The following VPS13A variants were observed in gnomAD, a reference collection of about 807,000 sequenced individuals.
VPS13A encodes the protein vacuolar protein sorting 13 homolog A, also known as intermembrane lipid transfer protein VPS13A.
Under a neutral mutation model 390.9 loss-of-function variants are expected in VPS13A, and 264 were observed. The ratio of observed to expected loss-of-function variants is 0.68; its 90% confidence interval spans 0.61 to 0.75. VPS13A has a LOEUF of 0.75. Ranked by LOEUF, VPS13A falls within the 30% of genes least tolerant of loss-of-function variation. The pLI, the probability that VPS13A is intolerant of heterozygous loss-of-function variation, is 0.00. For synonymous variants in VPS13A, 1,231 were observed against 1,227.1 expected (o/e 1.00, Z -0.07); for missense variants, 3,409 against 3,733.9 (o/e 0.91, Z 2.27).
chr9:77,310,223 C>T (rs1828988943), intron 35 of VPS13A, among the ~76,000 whole-genome samples: 1 of 151,856 alleles, frequency 6.6e-6, no homozygotes, highest in Admixed American at 6.6e-5. Flanking sequence ...TTAAAAAAAC[C>T]TAGGCCTACT....
At chr9:77,300,536 A>C (rs913312540) in intron 33 of VPS13A, among the ~76,000 whole-genome samples, 1 of 152,240 alleles carries the variant, frequency 6.6e-6, no homozygotes, top group African/African-American at 2.4e-5. Context: ...GTCTGAGACC[A>C]GCCTGGGAAA....
intron 3 of VPS13A, among the ~76,000 whole-genome samples, chr9:77,203,724 T>C (rs1370449666): frequency 6.6e-6 from 1 of 152,262 alleles, no homozygotes; most frequent in African/African-American, 2.4e-5. Context: ...GTATGTATTT[T>C]AAGCAGTCTG....
chr9:77,334,300 C>T (rs190152034), intron 46 of VPS13A, among the ~76,000 whole-genome samples: 1 of 152,188 alleles, frequency 6.6e-6, no homozygotes, highest in Non-Finnish European at 1.5e-5. Context: ...ATTTTATCTC[C>T]ATCTATTAGT....
intron 61 of VPS13A, among the ~76,000 whole-genome samples, chr9:77,367,395 T>G (rs940258931): frequency 5.3e-5 from 8 of 152,158 alleles, no homozygotes; most frequent in African/African-American, 1.7e-4. Flanking sequence ...GAATAACCCT[T>G]TCAAGTAGCA....
At chr9:77,331,536 G>T (rs939552935) in intron 45 of VPS13A, among the ~76,000 whole-genome samples, 10 of 151,736 alleles carry the variant, frequency 6.6e-5, no homozygotes, top group Admixed American at 2.0e-4. Flanking sequence ...TTCTGTTCCT[G>T]TTTTCCTCTT....
At chr9:77,295,967 G>C (rs773262973) in intron 33 of VPS13A, 121 bp downstream of exon 33, 7 of 1,026,170 alleles carry the variant, frequency 6.8e-6, no homozygotes, top group Non-Finnish European at 9.8e-6. Flanking sequence ...ACATAACTTA[G>C]TGATTCTCTC....
At chr9:77,291,510 T>G (rs1259684867) in intron 31 of VPS13A, among the ~76,000 whole-genome samples, 1 of 152,142 alleles carries the variant, frequency 6.6e-6, no homozygotes, top group East Asian at 1.9e-4. Context: ...AATTCCAGAT[T>G]AATACGATTT....
chr9:77,311,601 A>G (rs1238553722), intron 35 of VPS13A, among the ~76,000 whole-genome samples: 1 of 148,222 alleles, frequency 6.7e-6, no homozygotes, highest in Non-Finnish European at 1.5e-5. Flanking sequence ...GACAGAACTA[A>G]AGAAGAAAAT....
At chr9:77,231,371 C>T (rs1823823027) in intron 17 of VPS13A, among the ~76,000 whole-genome samples, 1 of 152,068 alleles carries the variant, frequency 6.6e-6, no homozygotes, top group Non-Finnish European at 1.5e-5. Context: ...GTGTGGTCTG[C>T]ATCATTTTAC....
intron 34 of VPS13A, among the ~76,000 whole-genome samples, chr9:77,304,372 C>T (rs545522705): frequency 6.6e-6 from 1 of 152,246 alleles, no homozygotes; most frequent in East Asian, 1.9e-4. Context: ...AAGTACAGGT[C>T]TTTTTCAAAA....
chr9:77,199,225 A>G (rs78075877), intron 1 of VPS13A, among the ~76,000 whole-genome samples: 207 of 152,218 alleles, frequency 1.4e-3, no homozygotes, highest in Admixed American at 2.3e-3. Context: ...CAAGATAGCA[A>G]TGAGGTCTCG....
At chr9:77,340,039 A>T (rs1374906841) in intron 48 of VPS13A, 128 bp downstream of exon 48, 8 of 1,367,168 alleles carry the variant, frequency 5.9e-6, no homozygotes, top group African/African-American at 1.5e-5. Context: ...GAGGCCAAAA[A>T]GATTAGAATT....
At chr9:77,214,132 C>T (rs1354447116) in intron 9 of VPS13A, among the ~76,000 whole-genome samples, 197 bp from the exon 10 acceptor site, 1 of 151,874 alleles carries the variant, frequency 6.6e-6, no homozygotes, top group African/African-American at 2.4e-5. Flanking sequence ...AAAAATTAGC[C>T]AGGCACGGTG....
intron 50 of VPS13A, among the ~76,000 whole-genome samples, chr9:77,341,835 A>C (rs528147433): frequency 5.3e-4 from 80 of 150,616 alleles, no homozygotes; most frequent in South Asian, 4.6e-3. Flanking sequence ...TTCAACAAAT[A>C]TTGTTTATTT....
At chr9:77,183,930 A>G (rs1197839347) in intron 1 of VPS13A, among the ~76,000 whole-genome samples, 1 of 152,236 alleles carries the variant, frequency 6.6e-6, no homozygotes, top group Non-Finnish European at 1.5e-5. Context: ...ATACCTGTCC[A>G]TCTGTCCATC....
Position 77,319,666 on chromosome 9 carries a change from G to A in VPS13A, c.5408G>A (p.Gly1803Asp), listed in dbSNP as rs1357569109. The A allele has an allele frequency of 2.6e-6, 4 of 1,567,098 alleles. No homozygotes were observed. The highest frequency in any genetic ancestry group is 1.7e-5 in the Admixed American group (1 of 59,676). ...QTEDFRPWNL[G>D]IKMKKKAKMA... ...GAGGATTTTAGACCATGGAATCTTG[G>A]TATCAAGGTATATCTATATATGTCT... The change falls in exon 42 of 72, where the codon GGT (glycine) becomes GAT (aspartate). Residue 1803 changes from glycine (G) to aspartate (D), a missense_variant. By Grantham distance (94) the Gly-to-Asp change is moderately conservative. Around this residue, in one of 5 missense-constraint regions of VPS13A, gnomAD observed 2,717 missense variants for 2,917.4 expected, o/e 0.93. Coordinates refer to ENST00000360280, the MANE Select transcript of VPS13A (RefSeq NM_033305.3).
At chr9:77,251,978 T>G (rs1001871176) in intron 21 of VPS13A, among the ~76,000 whole-genome samples, 6 of 152,322 alleles carry the variant, frequency 3.9e-5, no homozygotes, top group Middle Eastern at 6.8e-3. Flanking sequence ...CCTCACTTTT[T>G]ACTACCTTTT....
chr9:77,358,246 G>A (rs1587653449), intron 56 of VPS13A, 111 bp from the exon 57 acceptor site: 5 of 953,352 alleles, frequency 5.2e-6, no homozygotes, highest in East Asian at 2.7e-5. Context: ...GTGAGCCACC[G>A]TGCTTGGTCA....
chr9:77,283,674 A>G, intron 31 of VPS13A, 24 bp downstream of exon 31: 5 of 1,495,976 alleles, frequency 3.3e-6, no homozygotes, highest in Non-Finnish European at 4.6e-6. Flanking sequence ...TAATTAAATA[A>G]TAGTACATCA....
Sources: allele counts gnomAD v4.1 joint callset (sites outside exome capture counted in the v4.1 genomes callset), GRCh38; gene constraint gnomAD v4.1.1; regional missense constraint gnomAD v4.1.1; transcripts MANE v1.5; gene names NCBI Gene and HGNC (gene_info 2026-07-23, HGNC 2026-07-21).